The following MEIS1 variants were observed in gnomAD, a reference collection of about 807,000 sequenced individuals.
MEIS1 encodes Meis homeobox 1, also known as homeobox protein Meis1.
Under a neutral mutation model 50.8 loss-of-function variants are expected in MEIS1, and 5 were observed. The observed-to-expected ratio is 0.10, with a 90% CI of 0.05 to 0.21. The LOEUF is 0.21. Among genes scored for constraint, MEIS1 ranks in the 10% least tolerant of loss-of-function variants. The pLI is 1.00. For synonymous variants in MEIS1, 176 were observed against 179.3 expected, an observed-to-expected ratio of 0.98 and a Z score of 0.15; for missense variants, 318 against 517.3, an observed-to-expected ratio of 0.61 and a Z score of 3.74.
rs772454480 is a variant in MEIS1, at chr2:66,435,814, G to GGATA, written c.-42_-39dup. ...TTTCTTTTCACACTGGCCTTAAAGAGGATATATTAGAAGTTGAAGTAGGAA... is the reference window on the plus strand; with the variant it reads ...TTTCTTTTCACACTGGCCTTAAAGAGGATAGATATATTAGAAGTTGAAGTAGGAA... On this transcript the variant is annotated 5_prime_UTR_variant, in exon 1 of 13. Transcript: ENST00000272369. 1 of 1,510,724 alleles carries GGATA rather than the reference G, an allele frequency of 6.6e-7. No individual in the cohort carries two copies. The highest frequency in any genetic ancestry group is 1.5e-5 in the African/African-American group (1 of 68,494). The allele number at this position is 1,510,724 out of a possible 1,614,324, so 93.6% of individuals were successfully genotyped here.
intron 10 of MEIS1, 92 bp downstream of exon 10, chr2:66,567,603 T>G (rs1558567151): frequency 8.6e-7 from 1 of 1,165,936 alleles, no homozygotes; most frequent in Non-Finnish European, 1.3e-6. Flanking sequence ...GTAAATAAAC[T>G]GGGAGTGAGT....
At chr2:66,479,011 T>C (rs1672958393) in intron 7 of MEIS1, among the ~76,000 whole-genome samples, 2 of 152,240 alleles carry the variant, frequency 1.3e-5, no homozygotes. Context: ...GATGTTTGCA[T>C]CTATAAATAA....
At chr2:66,468,104 T>G (rs1207807202) in intron 7 of MEIS1, among the ~76,000 whole-genome samples, 1 of 152,176 alleles carries the variant, frequency 6.6e-6, no homozygotes, top group African/African-American at 2.4e-5. Flanking sequence ...TGTAGCTGCT[T>G]TAGGATGGGG....
chr2:66,496,494 G>A (rs1673407768), intron 7 of MEIS1, among the ~76,000 whole-genome samples: 1 of 152,132 alleles, frequency 6.6e-6, no homozygotes, highest in Non-Finnish European at 1.5e-5. Context: ...TCAGGAGAGG[G>A]CAATTGCCTC....
chr2:66,535,089 G>A (rs1329980246), intron 8 of MEIS1, among the ~76,000 whole-genome samples: 3 of 152,162 alleles, frequency 2.0e-5, no homozygotes, highest in African/African-American at 7.2e-5. Context: ...TGAAGCTACA[G>A]CTTTTTATTT....
chr2:66,473,397 A>AAAAATATATATATAT lies in MEIS1; in HGVS notation c.742+9178_742+9179insAAATATATATATATA. Among the ~76,000 whole-genome samples the AAAAATATATATATAT allele has an allele frequency of 3.7e-4, 40 of 107,550 alleles. 1 individual carries two copies. The highest frequency in any genetic ancestry group is 2.2e-3 in the African/African-American group (37 of 17,130). 70.6% of individuals were successfully genotyped at this position (107,550 alleles called of 152,430 possible). Reference sequence around the variant, plus strand: ...CCATGTCAAAAAAAAAAAAAAAAAAAATATATATATATATATATATAGTAA... The same window carrying AAAAATATATATATAT: ...CCATGTCAAAAAAAAAAAAAAAAAAAAAAATATATATATATATATATATATATATATATATAGTAA... On this transcript the variant is annotated intron_variant, in intron 7 of 12. Coordinates refer to ENST00000272369, the MANE Select transcript of MEIS1 (RefSeq NM_002398.3).
intron 8 of MEIS1, among the ~76,000 whole-genome samples, chr2:66,520,416 G>T (rs991970841): frequency 4.0e-5 from 6 of 151,700 alleles, no homozygotes; most frequent in Admixed American, 6.6e-5. Flanking sequence ...GGGAGGTGGA[G>T]CTTGCAGTGA....
chr2:66,452,398 G>T (rs572673978), intron 6 of MEIS1, among the ~76,000 whole-genome samples: 1 of 152,016 alleles, frequency 6.6e-6, no homozygotes, highest in South Asian at 2.1e-4. Context: ...TCATCTTCAT[G>T]AGATAAGGGT....
chr2:66,526,813 G>A (rs557606645), intron 8 of MEIS1, among the ~76,000 whole-genome samples: 2 of 152,248 alleles, frequency 1.3e-5, no homozygotes, highest in African/African-American at 2.4e-5. Context: ...TAAGACTGAA[G>A]TACATTTGTC....
At chr2:66,549,597 A>G (rs2300477) in intron 9 of MEIS1, among the ~76,000 whole-genome samples, 65,582 of 152,044 alleles carry the variant, frequency 0.43, 17,530 homozygotes, top group Non-Finnish European at 0.59. Context: ...CTAGATTCAT[A>G]TATCTGTATT....
chr2:66,549,457 A>G (rs115420322), intron 9 of MEIS1, among the ~76,000 whole-genome samples: 30 of 152,194 alleles, frequency 2.0e-4, no homozygotes, highest in African/African-American at 7.0e-4. Context: ...AAGGCTGTTA[A>G]TACTACATAT....
chr2:66,553,788 G>A (rs778817152), intron 9 of MEIS1, among the ~76,000 whole-genome samples: 1 of 152,098 alleles, frequency 6.6e-6, no homozygotes, highest in African/African-American at 2.4e-5. Context: ...TACACCATAA[G>A]TTTACTCAGA....
chr2:66,564,305 T>C lies in MEIS1; in HGVS notation c.966-3148T>C, dbSNP rs149237190. 5.0e-3 allele frequency among the ~76,000 whole-genome samples: 763 copies of C among 152,326 alleles called. 5 individuals are homozygous for C. The highest frequency in any genetic ancestry group is 0.018 in the African/African-American group (728 of 41,576). ...TGTTCTTAATAACAACAAACAGTTCTTGCCACCAAAAAGAAGCAAATAACA... is the reference window on the plus strand; with the variant it reads ...TGTTCTTAATAACAACAAACAGTTCCTGCCACCAAAAAGAAGCAAATAACA... On this transcript the variant is annotated intron_variant, in intron 9 of 12. Transcript: ENST00000272369.
chr2:66,527,330 G>A (rs958863965), intron 8 of MEIS1, among the ~76,000 whole-genome samples: 6 of 152,104 alleles, frequency 3.9e-5, no homozygotes, highest in Admixed American at 3.9e-4. Context: ...CAACTTCCTG[G>A]AGCTTACCAC....
intron 8 of MEIS1, among the ~76,000 whole-genome samples, chr2:66,529,032 A>C (rs1674326122): frequency 6.6e-6 from 1 of 152,044 alleles, no homozygotes; most frequent in Admixed American, 6.6e-5. Flanking sequence ...CATCACTTCC[A>C]TGACCCCTTC....
chr2:66,551,863 T>C (rs1674930334), intron 9 of MEIS1, among the ~76,000 whole-genome samples: 1 of 152,096 alleles, frequency 6.6e-6, no homozygotes. Context: ...CTTTTGTCTC[T>C]TTGCTTTTTT....
intron 9 of MEIS1, among the ~76,000 whole-genome samples, chr2:66,558,439 C>G (rs909059380): frequency 2.0e-5 from 3 of 152,060 alleles, no homozygotes; most frequent in African/African-American, 7.2e-5. Context: ...TCCAAGATGT[C>G]ATTTTGCTAA....
At chr2:66,536,778 G>A (rs1238056738) in intron 8 of MEIS1, among the ~76,000 whole-genome samples, 1 of 152,184 alleles carries the variant, frequency 6.6e-6, no homozygotes, top group African/African-American at 2.4e-5. Flanking sequence ...CTTTTATAAT[G>A]CATAAAAAGT....
intron 7 of MEIS1, among the ~76,000 whole-genome samples, chr2:66,494,117 CAA>C (rs71799702): frequency 0.092 from 13,981 of 152,078 alleles, 1,225 homozygotes; most frequent in African/African-American, 0.23. Flanking sequence ...TCACTTGTGA[CAA>C]AAAAAGAGTG....
Sources: gnomAD v4.1 joint callset for allele counts (sites outside exome capture counted in the v4.1 genomes callset) on GRCh38, gnomAD v4.1.1 for gene constraint, MANE v1.5 for transcripts, NCBI Gene and HGNC (gene_info 2026-07-23, HGNC 2026-07-21) for gene names.